The following CNTLN variants were observed in gnomAD, a reference collection of about 807,000 sequenced individuals.
CNTLN encodes the protein centlein, centrosomal protein.
In CNTLN, 212 loss-of-function variants were observed where a neutral mutation model predicts 180.0. The observed-to-expected ratio is 1.18, with a 90% CI of 1.05 to 1.32. CNTLN has a LOEUF of 1.32. CNTLN is among the 40% of genes most tolerant of loss of function. CNTLN has a pLI of 0.00. For missense variants in CNTLN, 2,095 were observed against 1,610.9 expected (o/e 1.30, Z -5.14); for synonymous variants, 722 against 563.1 (o/e 1.28, Z -3.99).
At chr9:17,461,012 T>C (rs2134179408) in intron 19 of CNTLN, among the ~76,000 whole-genome samples, 1 of 151,376 alleles carries the variant, frequency 6.6e-6, no homozygotes, top group African/African-American at 2.4e-5. Flanking sequence ...AATATGAAAA[T>C]GTTAAGGTAA....
intron 3 of CNTLN, among the ~76,000 whole-genome samples, chr9:17,233,951 G>A (rs1170803750): frequency 6.6e-6 from 1 of 152,044 alleles, no homozygotes; most frequent in African/African-American, 2.4e-5. Flanking sequence ...GGTACTAGAG[G>A]ATAAAGGGTC....
In CNTLN at chr9:17,484,374, G is replaced by C. The variant is rs1332640980; in HGVS notation, c.3935G>C (p.Arg1312Thr). The stretch of plus-strand genomic sequence containing the variant: ...GAGCTTAAAAAAATGAAGAAAAACA[G>C]GGACGCCTGTAAAACCTCAACCCAT... ...IRELKKMKKN[R>T]DACKTSTHKA... Residue 1312 changes from arginine (R) to threonine (T), a missense_variant, in exon 24 of 26, where the codon AGG becomes ACG. Physicochemically the swap from Arg to Thr is moderately conservative, Grantham distance 71. Coordinates refer to ENST00000380647, the MANE Select transcript of CNTLN (RefSeq NM_017738.4). The C allele has an allele frequency of 4.3e-6, 7 of 1,612,550 alleles. No individual in the cohort carries two copies. The African/African-American group carries it at 5.4e-5, about 12-fold the overall frequency.
At chr9:17,363,869 T>A (rs890262866) in intron 12 of CNTLN, among the ~76,000 whole-genome samples, 2 of 152,190 alleles carry the variant, frequency 1.3e-5, no homozygotes, top group African/African-American at 4.8e-5. Context: ...TCTTAAAATA[T>A]ATATTTTAAT....
At chr9:17,178,889 G>A (rs1011891129) in intron 2 of CNTLN, among the ~76,000 whole-genome samples, 4 of 152,168 alleles carry the variant, frequency 2.6e-5, no homozygotes, top group African/African-American at 9.7e-5. Context: ...CGCCAAGGCC[G>A]AGGAGGCGCC....
chr9:17,354,492 A>G (rs1338915585), intron 12 of CNTLN, among the ~76,000 whole-genome samples: 1 of 152,124 alleles, frequency 6.6e-6, no homozygotes, highest in African/African-American at 2.4e-5. Flanking sequence ...CAAGGTTTGT[A>G]AACACACCAC....
At chr9:17,415,761 C>T (rs746767408) in intron 16 of CNTLN, 27 bp from the exon 17 acceptor site, 7 of 1,315,162 alleles carry the variant, frequency 5.3e-6, no homozygotes, top group Non-Finnish European at 7.7e-6. Context: ...AAGAATAATA[C>T]CATTTTTATG....
chr9:17,306,592 C>T (rs1029003814), intron 7 of CNTLN, among the ~76,000 whole-genome samples: 6 of 152,138 alleles, frequency 3.9e-5, no homozygotes, highest in African/African-American at 1.4e-4. Flanking sequence ...TAGGGTATAC[C>T]ACATCCTTGG....
Position 17,318,111 on chromosome 9 carries a change from T to C in CNTLN, c.1341+8859T>C, listed in dbSNP as rs755796687. On this transcript the variant is annotated intron_variant, in intron 8 of 25. Coordinates refer to ENST00000380647, the MANE Select transcript of CNTLN (RefSeq NM_017738.4). ...GGCATAATCTCAGCTCACTGCAAGCTCCGCCTCCCAGGTTCACGCTATTCT... is the reference window on the plus strand; with the variant it reads ...GGCATAATCTCAGCTCACTGCAAGCCCCGCCTCCCAGGTTCACGCTATTCT... Among the ~76,000 whole-genome samples, 58 of 150,988 alleles carry C rather than the reference T, an allele frequency of 3.8e-4. 1 individual carries two copies. Among genetic ancestry groups the C allele is most frequent in the East Asian group, 5.9e-4 (3 of 5,122 alleles).
intron 5 of CNTLN, among the ~76,000 whole-genome samples, chr9:17,237,913 T>A (rs1825256635): frequency 6.6e-6 from 1 of 152,078 alleles, no homozygotes; most frequent in South Asian, 2.1e-4. Context: ...TCTGGTGGAT[T>A]TATTTTCTTA....
Position 17,462,993 on chromosome 9 carries a change from CA to C in CNTLN, c.3385del (p.Ile1129Ter). The stretch of plus-strand genomic sequence containing the variant: ...TTGAACTCCTAGCAAAAGAAGAACA[CA>C]TAAAGGAAATGCATGAAAAGTATGG... ...KFELLAKEEH[I>X]KEMHEKISRM... On this transcript the variant is annotated frameshift_variant, in exon 20 of 26. Transcript: ENST00000380647. LOFTEE classifies it high-confidence loss of function. 6.3e-7 allele frequency: 1 copy of C among 1,582,684 alleles called. No individual in the cohort carries two copies. Among genetic ancestry groups the C allele is most frequent in the Non-Finnish European group, 8.6e-7 (1 of 1,166,250 alleles).
intron 25 of CNTLN, among the ~76,000 whole-genome samples, chr9:17,498,802 T>C (rs1483842021): frequency 6.6e-6 from 1 of 152,116 alleles, no homozygotes; most frequent in Non-Finnish European, 1.5e-5. Flanking sequence ...CAGCATAATG[T>C]TGGTTTGTTG....
rs762461776 is a variant in CNTLN, at chr9:17,261,362, G to C, written c.850-12371G>C. 2.0e-5 allele frequency among the ~76,000 whole-genome samples: 3 copies of C among 151,338 alleles called. No homozygotes were observed. In the South Asian group the frequency reaches 6.2e-4, roughly 31 times the overall value. ...CTATGATTTCTCTTATCAGTGTTTT[G>C]TACTTCTTCTTGTAAAGATCTTTCA... On this transcript the variant is annotated intron_variant, in intron 5 of 25. Transcript: ENST00000380647.
intron 23 of CNTLN, among the ~76,000 whole-genome samples, chr9:17,470,024 C>T (rs1831970045): frequency 6.6e-6 from 1 of 151,854 alleles, no homozygotes; most frequent in African/African-American, 2.4e-5. Context: ...GTAGTAATAG[C>T]AGTAGTAGTA....
At chr9:17,159,167 A>G (rs1318672442) in intron 2 of CNTLN, among the ~76,000 whole-genome samples, 1 of 151,948 alleles carries the variant, frequency 6.6e-6, no homozygotes, top group Non-Finnish European at 1.5e-5. Flanking sequence ...ATTTTGTTCC[A>G]TTGCATTAAA....
rs1215499117 is a variant in CNTLN, at chr9:17,258,842, T to C, written c.850-14891T>C. Among the ~76,000 whole-genome samples, 23 of 145,146 alleles carry C rather than the reference T, an allele frequency of 1.6e-4. No individual in the cohort carries two copies. The East Asian group carries it at 2.8e-3, about 18-fold the overall frequency. ...TTGATTTTGTATCCTGAGACTTTGCTGAAGTTGCTTATCAGCTTAAGGAGA... is the reference window on the plus strand; with the variant it reads ...TTGATTTTGTATCCTGAGACTTTGCCGAAGTTGCTTATCAGCTTAAGGAGA... On this transcript the variant is annotated intron_variant, in intron 5 of 25. Transcript: ENST00000380647.
At chr9:17,145,203 G>C (rs1252788367) in intron 2 of CNTLN, among the ~76,000 whole-genome samples, 1 of 152,208 alleles carries the variant, frequency 6.6e-6, no homozygotes, top group African/African-American at 2.4e-5. Flanking sequence ...TCTCTAGGGG[G>C]TGGGACCTAG....
At chr9:17,189,938 C>G (rs969477635) in intron 2 of CNTLN, among the ~76,000 whole-genome samples, 14 of 151,964 alleles carry the variant, frequency 9.2e-5, no homozygotes, top group Non-Finnish European at 1.3e-4. Flanking sequence ...TGACTCCTTT[C>G]CTTTGTCTGG....
chr9:17,423,565 G>A (rs1232749733), intron 18 of CNTLN, among the ~76,000 whole-genome samples: 3 of 152,114 alleles, frequency 2.0e-5, no homozygotes, highest in Non-Finnish European at 4.4e-5. Context: ...GTCTCAGTGG[G>A]TTATGTGCAC....
intron 5 of CNTLN, among the ~76,000 whole-genome samples, chr9:17,261,058 C>T (rs1826933378): frequency 6.6e-6 from 1 of 151,396 alleles, no homozygotes; most frequent in East Asian, 1.9e-4. Context: ...CCAATAGTAC[C>T]ATGCTATTTT....
Sources: allele counts gnomAD v4.1 joint callset (sites outside exome capture counted in the v4.1 genomes callset), GRCh38; gene constraint gnomAD v4.1.1; transcripts MANE v1.5; gene names NCBI Gene and HGNC (gene_info 2026-07-23, HGNC 2026-07-21).